LRP1B: variants seen among roughly 807,000 people sequenced by gnomAD.
The protein encoded by LRP1B is LDL receptor related protein 1B.
In LRP1B, 217 loss-of-function variants were observed where a neutral mutation model predicts 556.6. The observed-to-expected ratio is 0.39, with a 90% CI of 0.35 to 0.44. LRP1B has a LOEUF of 0.44. Among genes scored for constraint, LRP1B ranks in the 20% least tolerant of loss-of-function variants. The pLI, the probability that LRP1B is intolerant of heterozygous loss-of-function variation, is 1.00. For synonymous variants in LRP1B, 2,047 were observed against 1,865.8 expected (o/e 1.10, Z -2.50); for missense variants, 5,053 against 5,620.8 (o/e 0.90, Z 3.23).
chr2:141,601,148 GA>G (rs2105308635), intron 2 of LRP1B, among the ~76,000 whole-genome samples: 2 of 152,192 alleles, frequency 1.3e-5, no homozygotes, highest in Non-Finnish European at 2.9e-5. Context: ...AAAAACTCAG[GA>G]AGCTTTTAAG....
chr2:142,024,999 A>G (rs1046055201), intron 1 of LRP1B, among the ~76,000 whole-genome samples: 1 of 152,194 alleles, frequency 6.6e-6, no homozygotes, highest in Non-Finnish European at 1.5e-5. Context: ...GTAGTTTAAT[A>G]TAACATTAGG....
intron 43 of LRP1B, among the ~76,000 whole-genome samples, chr2:140,587,777 T>C (rs995904962): frequency 2.0e-5 from 3 of 152,148 alleles, no homozygotes; most frequent in Non-Finnish European, 2.9e-5. Context: ...ACAATTATTA[T>C]TTGCTGATTA....
chr2:140,265,070 C>T (rs1682137465), intron 86 of LRP1B, among the ~76,000 whole-genome samples: 1 of 151,598 alleles, frequency 6.6e-6, no homozygotes, highest in South Asian at 2.1e-4. Context: ...GTGGATATTG[C>T]TGAGAAGTAA....
chr2:140,794,912 C>A (rs753121242), intron 32 of LRP1B, among the ~76,000 whole-genome samples: 1 of 152,018 alleles, frequency 6.6e-6, no homozygotes, highest in African/African-American at 2.4e-5. Context: ...CGCACCCAGC[C>A]GGCCACTTTC....
rs1209900014 is a variant in LRP1B, at chr2:140,291,323, T to TTTTTTA, written c.12967+6484_12967+6485insTAAAAA. On this transcript the variant is annotated intron_variant, in intron 84 of 90. Transcript: ENST00000389484. ...TTATATATATATATATATATATTTT[T>TTTTTTA]ATTATACTTTAAGTTCTAGGGTATA... Among the ~76,000 whole-genome samples the TTTTTTA allele has an allele frequency of 2.2e-5, 3 of 135,146 alleles. No homozygotes were observed. The East Asian group carries it at 6.4e-4, about 29-fold the overall frequency. 88.7% of individuals were successfully genotyped at this position (135,146 alleles called of 152,430 possible). A position where few individuals can be genotyped will look rare whatever the true frequency, so the allele number is the denominator to read the frequency against.
rs933114795 is a variant in LRP1B at position 141,750,523 on chromosome 2, C to A, written c.205+59756G>T. ...CTCCACCGCTAGTCCTTTCTTCAAG[C>A]CTTTCAAGCATTAGTCAGTATTTTA... is the stretch of plus-strand genomic sequence containing the variant. On this transcript the variant is annotated intron_variant, in intron 2 of 90. Coordinates refer to ENST00000389484, the MANE Select transcript of LRP1B (RefSeq NM_018557.3). Among the ~76,000 whole-genome samples, 47 of 152,120 alleles carry A rather than the reference C, an allele frequency of 3.1e-4. 1 individual carries two copies. Among genetic ancestry groups the A allele is most frequent in the Admixed American group, 2.2e-3 (34 of 15,254 alleles).
chr2:141,877,026 T>C (rs1481564248), intron 1 of LRP1B, among the ~76,000 whole-genome samples: 1 of 152,008 alleles, frequency 6.6e-6, no homozygotes, highest in Non-Finnish European at 1.5e-5. Context: ...AATATTTTCA[T>C]CTTTTAATGA....
At chr2:141,149,191 TTTTG>T (rs920554862) in intron 7 of LRP1B, among the ~76,000 whole-genome samples, 6 of 151,968 alleles carry the variant, frequency 3.9e-5, no homozygotes, top group African/African-American at 1.5e-4. Flanking sequence ...AAAGGGTTTT[TTTTG>T]TTTTGTTTTG....
At chr2:141,311,295 G>T (rs1409162323) in intron 3 of LRP1B, among the ~76,000 whole-genome samples, 1 of 152,122 alleles carries the variant, frequency 6.6e-6, no homozygotes, top group Non-Finnish European at 1.5e-5. Context: ...AACCTTGAAT[G>T]ATGCCAACCT....
chr2:140,745,589 ATC>A (rs1688288559), intron 35 of LRP1B, among the ~76,000 whole-genome samples: 1 of 152,128 alleles, frequency 6.6e-6, no homozygotes, highest in Non-Finnish European at 1.5e-5. Flanking sequence ...GTTTTAACAC[ATC>A]TCATTTTGTG....
chr2:140,592,072 G>A (rs1682249544), intron 43 of LRP1B, among the ~76,000 whole-genome samples: 1 of 152,096 alleles, frequency 6.6e-6, no homozygotes, highest in Admixed American at 6.6e-5. Context: ...ATCATTTAGT[G>A]TGTACTGGGA....
intron 6 of LRP1B, among the ~76,000 whole-genome samples, chr2:141,226,391 T>G (rs1300656351): frequency 6.6e-6 from 1 of 152,156 alleles, no homozygotes; most frequent in Non-Finnish European, 1.5e-5. Flanking sequence ...TCCAGTGAGA[T>G]GAGACGTGCA....
At chr2:141,071,857 A>T (rs1206298627) in intron 7 of LRP1B, among the ~76,000 whole-genome samples, 1 of 152,182 alleles carries the variant, frequency 6.6e-6, no homozygotes. Flanking sequence ...ATAAAAGAGT[A>T]TACAAACAAA....
intron 1 of LRP1B, among the ~76,000 whole-genome samples, chr2:142,005,068 T>C (rs1702761489): frequency 6.7e-6 from 1 of 148,352 alleles, no homozygotes; most frequent in African/African-American, 2.4e-5. Flanking sequence ...TTATATATAC[T>C]CTATATATTT....
intron 2 of LRP1B, among the ~76,000 whole-genome samples, chr2:141,488,460 C>T (rs1229678816): frequency 6.6e-6 from 1 of 151,988 alleles, no homozygotes; most frequent in Non-Finnish European, 1.5e-5. Flanking sequence ...GCTACTAACT[C>T]CAAAACACTG....
intron 1 of LRP1B, among the ~76,000 whole-genome samples, chr2:142,093,711 C>T (rs1004627581): frequency 2.6e-5 from 4 of 151,806 alleles, no homozygotes; most frequent in African/African-American, 9.7e-5. Context: ...TGTGTGACAG[C>T]TGCATTAAAG....
In LRP1B at chr2:140,331,555, C is replaced by T. The variant is rs567325520; in HGVS notation, c.12223+2898G>A. 9.0e-4 allele frequency among the ~76,000 whole-genome samples: 136 copies of T among 151,860 alleles called. 1 individual carries two copies. The highest frequency in any genetic ancestry group is 3.2e-3 in the African/African-American group (132 of 41,468). On this transcript the variant is annotated intron_variant, in intron 79 of 90. Coordinates refer to ENST00000389484, the MANE Select transcript of LRP1B (RefSeq NM_018557.3). ...CACATATTATGTCACCCAACCTGTG[C>T]CCTTCTACATGTGCCATGATTCCTG...
intron 7 of LRP1B, among the ~76,000 whole-genome samples, chr2:141,187,932 A>G (rs997898512): frequency 1.3e-5 from 2 of 152,036 alleles, no homozygotes; most frequent in African/African-American, 4.8e-5. Context: ...ATCGAACGTA[A>G]GAGTCTGAAC....
At chr2:141,352,409 G>A (rs1688478466) in intron 3 of LRP1B, among the ~76,000 whole-genome samples, 1 of 151,700 alleles carries the variant, frequency 6.6e-6, no homozygotes, top group African/African-American at 2.4e-5. Flanking sequence ...AATAATTTTA[G>A]ATTTATAAAA....
Sources: gnomAD v4.1 joint callset for allele counts (sites outside exome capture counted in the v4.1 genomes callset) on GRCh38, gnomAD v4.1.1 for gene constraint, MANE v1.5 for transcripts, NCBI Gene and HGNC (gene_info 2026-07-23, HGNC 2026-07-21) for gene names.